Variants in SCFD1 observed in about 807,000 individuals in gnomAD.
SCFD1 encodes sec1 family domain containing 1.
Under a neutral mutation model 103.2 loss-of-function variants are expected in SCFD1, and 37 were observed. The ratio of observed to expected loss-of-function variants is 0.36; its 90% CI spans 0.28 to 0.47. SCFD1 has a LOEUF of 0.47. Among genes scored for constraint, SCFD1 ranks in the 20% least tolerant of loss-of-function variants. The probability of loss-of-function intolerance (pLI) is 1.00; values close to 1 mark genes in which losing one functional copy is unlikely to be tolerated. For synonymous variants in SCFD1, 264 were observed against 245.0 expected (o/e 1.08, Z -0.73); for missense variants, 639 against 761.2 (o/e 0.84, Z 1.89).
intron 14 of SCFD1, 170 bp downstream of exon 14, chr14:30,675,235 G>T: frequency 2.4e-6 from 1 of 417,334 alleles, no homozygotes; most frequent in Non-Finnish European, 4.4e-6. Flanking sequence ...AGTAACCTAG[G>T]AATCCAGAAA....
rs1891139846 is a variant in SCFD1 at position 30,702,386 on chromosome 14, T to A, written c.1490+11T>A. On this transcript the variant is annotated intron_variant, in intron 17 of 24. Coordinates refer to ENST00000458591, the MANE Select transcript of SCFD1 (RefSeq NM_016106.4). ...TATCAAACAGTGGAAGTAAGTTTTA[T>A]TTTCTTCTTTAATTCCTGTCATTTA... 1 of 1,495,436 alleles carries A rather than the reference T, an allele frequency of 6.7e-7. No homozygotes were observed. The highest frequency in any genetic ancestry group is 1.4e-5 in the African/African-American group (1 of 71,070). The allele number at this position is 1,495,436 out of a possible 1,614,324, so 92.6% of individuals were successfully genotyped here.
In SCFD1 at chr14:30,731,922, G is replaced by T. The variant is rs537279357; in HGVS notation, c.1837-2868G>T. Among the ~76,000 whole-genome samples, 564 of 152,296 alleles carry T rather than the reference G, an allele frequency of 3.7e-3. 7 individuals carry two copies. Among genetic ancestry groups the T allele is most frequent in the African/African-American group, 0.013 (532 of 41,554 alleles). ...AGGAGAGGTGAGAGAGGGCATCCCT[G>T]TCTTGTGCCAGTTTTCAAAGGGAAT... On this transcript the variant is annotated intron_variant, in intron 23 of 24. Transcript: ENST00000458591.
chr14:30,704,271 G>A (rs1180676067), intron 17 of SCFD1, among the ~76,000 whole-genome samples: 1 of 151,896 alleles, frequency 6.6e-6, no homozygotes, highest in Non-Finnish European at 1.5e-5. Context: ...ACAGTCCTGG[G>A]CTCATGATCC....
chr14:30,651,648 T>G (rs1190513575), intron 9 of SCFD1, among the ~76,000 whole-genome samples: 1 of 152,122 alleles, frequency 6.6e-6, no homozygotes, highest in Non-Finnish European at 1.5e-5. Flanking sequence ...GGGATAGGCC[T>G]TAGAAACCAG....
At chr14:30,683,190 G>T in intron 14 of SCFD1, 1 of 1,110,632 alleles carries the variant, frequency 9.0e-7, no homozygotes, top group Non-Finnish European at 1.3e-6. Flanking sequence ...GATGGAGAGT[G>T]TTCTGGATGG....
intron 14 of SCFD1, among the ~76,000 whole-genome samples, chr14:30,692,565 C>T (rs925138768): frequency 6.6e-6 from 1 of 152,112 alleles, no homozygotes; most frequent in Non-Finnish European, 1.5e-5. Context: ...TCTGCAAAAG[C>T]TGAGAGAATA....
chr14:30,654,925 A>G (rs1594620128), intron 10 of SCFD1, among the ~76,000 whole-genome samples: 1 of 152,318 alleles, frequency 6.6e-6, no homozygotes, highest in Admixed American at 6.5e-5. Context: ...AGAACATGGA[A>G]TCAGGCTTTA....
intron 23 of SCFD1, among the ~76,000 whole-genome samples, chr14:30,732,569 G>A (rs1893551478): frequency 6.6e-6 from 1 of 152,150 alleles, no homozygotes; most frequent in South Asian, 2.1e-4. Context: ...AAGGAACTGA[G>A]CTAGGTCTAT....
intron 14 of SCFD1, among the ~76,000 whole-genome samples, chr14:30,691,763 T>A (rs1890320875): frequency 6.6e-6 from 1 of 152,152 alleles, no homozygotes; most frequent in Non-Finnish European, 1.5e-5. Flanking sequence ...TTAAGTTGTT[T>A]TTGGACCCTA....
At chr14:30,709,194 A>G (rs1317591636) in intron 19 of SCFD1, among the ~76,000 whole-genome samples, 1 of 152,240 alleles carries the variant, frequency 6.6e-6, no homozygotes, top group African/African-American at 2.4e-5. Flanking sequence ...TGTATTCAGA[A>G]AAAAACAAGA....
At chr14:30,643,608 T>C (rs1297538712) in intron 7 of SCFD1, among the ~76,000 whole-genome samples, 32 of 152,216 alleles carry the variant, frequency 2.1e-4, no homozygotes, top group Admixed American at 2.1e-3. Flanking sequence ...ACAGATCTAT[T>C]GAGTTGTCAT....
intron 1 of SCFD1, among the ~76,000 whole-genome samples, chr14:30,626,619 C>G (rs1883478413): frequency 6.6e-6 from 1 of 152,170 alleles, no homozygotes; most frequent in Non-Finnish European, 1.5e-5. Context: ...AGTTATGGTT[C>G]TCCTGCCCAG....
At chr14:30,717,480 AAAAG>A (rs1481494789) in intron 20 of SCFD1, among the ~76,000 whole-genome samples, 2 of 152,114 alleles carry the variant, frequency 1.3e-5, no homozygotes, top group African/African-American at 4.8e-5. Context: ...CTGTCTCAAA[AAAAG>A]AAAGAAAAAA....
intron 20 of SCFD1, among the ~76,000 whole-genome samples, chr14:30,718,402 T>C (rs1033338513): frequency 2.6e-5 from 4 of 152,250 alleles, no homozygotes; most frequent in African/African-American, 9.6e-5. Context: ...TTTCACTTTA[T>C]AACTCAAGGC....
chr14:30,630,376 A>G, intron 2 of SCFD1, 101 bp from the exon 3 acceptor site: 6 of 732,932 alleles, frequency 8.2e-6, no homozygotes, highest in Non-Finnish European at 1.5e-5. Flanking sequence ...ACAATTCAGT[A>G]TATATGATGT....
chr14:30,683,155 T>C (rs1165365973), intron 14 of SCFD1: 6 of 1,107,982 alleles, frequency 5.4e-6, no homozygotes, highest in Non-Finnish European at 8.1e-6. Flanking sequence ...GGGCTATCAA[T>C]GTTGGGTTCT....
intron 6 of SCFD1, among the ~76,000 whole-genome samples, 171 bp from the exon 7 acceptor site, chr14:30,643,145 C>T (rs1432614040): frequency 6.6e-6 from 1 of 152,074 alleles, no homozygotes; most frequent in Non-Finnish European, 1.5e-5. Flanking sequence ...TGCACTCCCT[C>T]CTGGGTGACA....
At chr14:30,666,766 A>G (rs1231813407) in intron 10 of SCFD1, among the ~76,000 whole-genome samples, 11 of 152,232 alleles carry the variant, frequency 7.2e-5, no homozygotes, top group Non-Finnish European at 1.3e-4. Context: ...AGAGAATACT[A>G]TAAACACCTC....
chr14:30,624,333 A>G (rs1883166257), intron 1 of SCFD1, among the ~76,000 whole-genome samples: 1 of 152,156 alleles, frequency 6.6e-6, no homozygotes, highest in Non-Finnish European at 1.5e-5. Context: ...GTTCTCATCT[A>G]GCGCCTTAGC....
Sources: allele counts gnomAD v4.1 joint callset (sites outside exome capture counted in the v4.1 genomes callset), GRCh38; gene constraint gnomAD v4.1.1; transcripts MANE v1.5; gene names NCBI Gene and HGNC (gene_info 2026-07-23, HGNC 2026-07-21).